OCIAD1: variants seen among roughly 807,000 people sequenced by gnomAD.
OCIAD1 encodes OCIA domain containing 1.
In OCIAD1, 29 loss-of-function variants were observed where a neutral mutation model predicts 38.9. The observed-to-expected ratio is 0.74, with a 90% CI of 0.55 to 1.02. The LOEUF (loss-of-function observed/expected upper bound fraction) is 1.02. Ranked by LOEUF, OCIAD1 falls within the 50% of genes least tolerant of loss-of-function variation. OCIAD1 has a pLI of 0.00. For missense variants in OCIAD1, 288 were observed against 289.6 expected, an observed-to-expected ratio of 0.99 and a Z score of 0.04; for synonymous variants, 110 against 92.0, an observed-to-expected ratio of 1.20 and a Z score of -1.12.
intron 3 of OCIAD1, among the ~76,000 whole-genome samples, chr4:48,839,456 A>G (rs1778326284): frequency 6.9e-6 from 1 of 145,296 alleles, no homozygotes; most frequent in African/African-American, 2.6e-5. Flanking sequence ...AAAAAAGAGT[A>G]TGGACTCTGA....
intron 1 of OCIAD1, among the ~76,000 whole-genome samples, chr4:48,820,470 A>G (rs975819006): frequency 1.3e-5 from 2 of 152,118 alleles, no homozygotes; most frequent in Non-Finnish European, 2.9e-5. Flanking sequence ...AAATCAACAC[A>G]CTAACATCAC....
intron 1 of OCIAD1, among the ~76,000 whole-genome samples, chr4:48,815,020 A>C (rs1777130689): frequency 6.6e-6 from 1 of 152,212 alleles, no homozygotes; most frequent in Non-Finnish European, 1.5e-5. Flanking sequence ...CTCTTAAACC[A>C]TTTCTAGAAG....
chr4:48,816,177 G>A (rs185327741), intron 1 of OCIAD1, among the ~76,000 whole-genome samples: 8 of 151,976 alleles, frequency 5.3e-5, no homozygotes, highest in African/African-American at 1.7e-4. Flanking sequence ...TGCATTTCTC[G>A]CTCTCTCTCT....
chr4:48,847,794 A>G (rs1267285712), intron 4 of OCIAD1, among the ~76,000 whole-genome samples: 1 of 152,212 alleles, frequency 6.6e-6, no homozygotes, highest in African/African-American at 2.4e-5. Context: ...AGATTTTGCT[A>G]TCTGGTGGTA....
At chr4:48,810,042 C>T (rs778272898) in intron 1 of OCIAD1, among the ~76,000 whole-genome samples, 2 of 152,110 alleles carry the variant, frequency 1.3e-5, no homozygotes, top group East Asian at 1.9e-4. Flanking sequence ...ATAGTATCCA[C>T]CTCTTATTTT....
intron 1 of OCIAD1, among the ~76,000 whole-genome samples, chr4:48,811,514 TC>T (rs1193829222): frequency 2.0e-5 from 3 of 152,216 alleles, no homozygotes; most frequent in African/African-American, 7.2e-5. Context: ...CAGGTACCCA[TC>T]TTAGGCTCTA....
At chr4:48,838,739 A>G (rs1310146048) in intron 3 of OCIAD1, among the ~76,000 whole-genome samples, 1 of 152,228 alleles carries the variant, frequency 6.6e-6, no homozygotes, top group Non-Finnish European at 1.5e-5. Flanking sequence ...AGCACTTACT[A>G]AGGTAATTTT....
At chr4:48,815,109 C>T (rs898830068) in intron 1 of OCIAD1, among the ~76,000 whole-genome samples, 6 of 152,142 alleles carry the variant, frequency 3.9e-5, no homozygotes, top group African/African-American at 1.2e-4. Flanking sequence ...GTCAGGAGTT[C>T]GAGACCAGTC....
chr4:48,820,057 G>C (rs1304960134), intron 1 of OCIAD1, among the ~76,000 whole-genome samples: 1 of 152,152 alleles, frequency 6.6e-6, no homozygotes, highest in Non-Finnish European at 1.5e-5. Context: ...GGACCTAATA[G>C]ACATCTACAG....
At chr4:48,810,886 CTTTCTTTCTTTTT>C (rs1777081071) in intron 1 of OCIAD1, among the ~76,000 whole-genome samples, 2 of 44,300 alleles carry the variant, frequency 4.5e-5, no homozygotes, top group Non-Finnish European at 5.2e-5. Context: ...TTTTTTCTTT[CTTTCTTTCTTTTT>C]TTTTTTTTTT....
intron 1 of OCIAD1, among the ~76,000 whole-genome samples, chr4:48,824,526 A>T (rs1026778275): frequency 1.3e-5 from 2 of 151,806 alleles, no homozygotes; most frequent in Non-Finnish European, 2.9e-5. Context: ...GACTACAGGC[A>T]TGCACTAGCA....
chr4:48,835,398 C>T (rs186340560), intron 3 of OCIAD1, among the ~76,000 whole-genome samples: 4 of 152,114 alleles, frequency 2.6e-5, no homozygotes. Context: ...AAAATTTTCT[C>T]AAAATTTTAC....
upstream of OCIAD1, among the ~76,000 whole-genome samples, chr4:48,830,050 T>C (rs149378208): frequency 1.3e-5 from 2 of 152,250 alleles, no homozygotes; most frequent in African/African-American, 4.8e-5. Context: ...GGAGTAGAGT[T>C]GTACTGGGGA....
chr4:48,815,713 A>C (rs775140723), intron 1 of OCIAD1, among the ~76,000 whole-genome samples: 1 of 152,204 alleles, frequency 6.6e-6, no homozygotes, highest in East Asian at 1.9e-4. Context: ...CAAACTGTTG[A>C]ACTAGACAGC....
chr4:48,848,474 A>AAT, intron 5 of OCIAD1, 28 bp downstream of exon 5: 1 of 1,167,714 alleles, frequency 8.6e-7, no homozygotes, highest in African/African-American at 1.6e-5. Context: ...TGTAGTTTTC[A>AAT]TAGCTTTTTA....
rs550162876 is a variant in OCIAD1, at chr4:48,815,254, A to G, written c.-103+9924A>G. Among the ~76,000 whole-genome samples the G allele has an allele frequency of 5.3e-5, 8 of 152,318 alleles. No homozygotes were observed. In the East Asian group the frequency reaches 1.5e-3, roughly 29 times the overall value. On this transcript the variant is annotated intron_variant, in intron 1 of 6. Coordinates refer to the OCIAD1 transcript ENST00000504654. ...CTTGAAACCAGAAGGCGGAGGTTGC[A>G]GTGATCTGAGGTCGCGCCACACTCC... is the stretch of plus-strand genomic sequence containing the variant.
chr4:48,843,629 G>T (rs2572350), intron 4 of OCIAD1, among the ~76,000 whole-genome samples: 63,555 of 151,948 alleles, frequency 0.42, 14,667 homozygotes, highest in Admixed American at 0.58. Flanking sequence ...CTTAAACATA[G>T]AAGCGAGTCA....
At chr4:48,833,604 T>C (rs1777729053) in intron 3 of OCIAD1, 123 bp downstream of exon 3, 2 of 611,824 alleles carry the variant, frequency 3.3e-6, no homozygotes, top group Admixed American at 6.4e-5. Flanking sequence ...TTTTGCATAG[T>C]GTGGTTGTTG....
rs1361682433 is a variant in OCIAD1 at position 48,861,298 on chromosome 4, A to G, written c.*536A>G. On this transcript the variant is annotated 3_prime_UTR_variant, in exon 9 of 9. Transcript: ENST00000264312. Reference sequence around the variant, plus strand: ...TGGTTTTATTGTTTGTAATTTATTGATTTATTTTTAAGCTAGTTATAATCA... The same window carrying G: ...TGGTTTTATTGTTTGTAATTTATTGGTTTATTTTTAAGCTAGTTATAATCA... The G allele has an allele frequency of 6.6e-6, 1 of 152,322 alleles. No individual in the cohort carries two copies. Among genetic ancestry groups the G allele is most frequent in the Non-Finnish European group, 1.5e-5 (1 of 68,180 alleles). The allele number at this position is 152,322 out of a possible 1,614,324, so 9.4% of individuals were successfully genotyped here.
Sources: gnomAD v4.1 joint callset for allele counts (sites outside exome capture counted in the v4.1 genomes callset) on GRCh38, gnomAD v4.1.1 for gene constraint, MANE v1.5 for transcripts, NCBI Gene and HGNC (gene_info 2026-07-23, HGNC 2026-07-21) for gene names.